ROBO2: variants seen among roughly 807,000 people sequenced by gnomAD.
The protein encoded by ROBO2 is roundabout homolog 2.
A neutral mutation model predicts 160.8 loss-of-function variants in ROBO2; 53 were observed. The observed-to-expected ratio is 0.33, with a 90% CI of 0.26 to 0.41. The LOEUF (loss-of-function observed/expected upper bound fraction) is 0.41. Ranked by LOEUF, ROBO2 falls within the 10% of genes least tolerant of loss-of-function variation. The pLI is 1.00. For synonymous variants in ROBO2, 664 were observed against 611.7 expected, an observed-to-expected ratio of 1.09 and a Z score of -1.26; for missense variants, 1,577 against 1,722.4, an observed-to-expected ratio of 0.92 and a Z score of 1.49.
chr3:76,008,107 A>T (rs1052631589), intron 2 of ROBO2, among the ~76,000 whole-genome samples: 1 of 151,616 alleles, frequency 6.6e-6, no homozygotes. Flanking sequence ...GGTAGTGGAT[A>T]CCTTTAGTCA....
At chr3:77,215,316 T>C (rs749512146) in intron 2 of ROBO2, among the ~76,000 whole-genome samples, 3 of 152,198 alleles carry the variant, frequency 2.0e-5, no homozygotes, top group Non-Finnish European at 4.4e-5. Context: ...TCTTCTTGCT[T>C]CATTTCATTC....
chr3:76,431,228 A>T (rs2109016991), intron 2 of ROBO2, among the ~76,000 whole-genome samples: 1 of 151,424 alleles, frequency 6.6e-6, no homozygotes, highest in East Asian at 1.9e-4. Flanking sequence ...ATGGCCTTTT[A>T]TTTGTCAGCA....
intron 2 of ROBO2, among the ~76,000 whole-genome samples, chr3:76,708,874 C>G (rs1395118271): frequency 2.0e-5 from 3 of 152,034 alleles, no homozygotes; most frequent in Non-Finnish European, 2.9e-5. Flanking sequence ...GGCAAGCACC[C>G]AAGAGATATT....
chr3:76,040,375 A>C (rs2067242500), intron 2 of ROBO2, among the ~76,000 whole-genome samples: 1 of 152,000 alleles, frequency 6.6e-6, no homozygotes, highest in South Asian at 2.1e-4. Context: ...GTTCCAAAAT[A>C]ATATATAAAT....
intron 2 of ROBO2, among the ~76,000 whole-genome samples, chr3:76,745,259 C>T (rs186727322): frequency 1.2e-3 from 182 of 152,178 alleles, no homozygotes; most frequent in African/African-American, 4.1e-3. Context: ...AAAATAGTTA[C>T]TGAAAACTCG....
At chr3:76,043,683 A>C (rs192546062) in intron 2 of ROBO2, among the ~76,000 whole-genome samples, 1 of 151,792 alleles carries the variant, frequency 6.6e-6, no homozygotes, top group Non-Finnish European at 1.5e-5. Context: ...AACCAAAACA[A>C]AAAAACACTG....
At position 76,302,305 on chromosome 3, in the gene ROBO2, A is replaced by G. The variant is rs187030755; in HGVS notation, c.109+364703A>G. Among the ~76,000 whole-genome samples the G allele has an allele frequency of 5.3e-5, 8 of 152,226 alleles. No homozygotes were observed. In the East Asian group the frequency reaches 5.8e-4, roughly 11 times the overall value. On this transcript the variant is annotated intron_variant, in intron 2 of 26. Transcript: ENST00000487694. Reference sequence around the variant, plus strand: ...ATTTACACTATTTTCCAGCTTATCAATGATCTGAGAACTCTTATTTCTTTG... The same window carrying G: ...ATTTACACTATTTTCCAGCTTATCAGTGATCTGAGAACTCTTATTTCTTTG...
intron 2 of ROBO2, among the ~76,000 whole-genome samples, chr3:76,384,410 A>G (rs1186126856): frequency 4.6e-5 from 7 of 152,198 alleles, no homozygotes; most frequent in Non-Finnish European, 8.8e-5. Context: ...TGGTCATGAG[A>G]ATATTTCAAA....
intron 1 of ROBO2, among the ~76,000 whole-genome samples, chr3:77,084,214 C>T (rs367843203): frequency 4.5e-4 from 68 of 151,964 alleles, no homozygotes; most frequent in African/African-American, 1.5e-3. Flanking sequence ...GTGAGCGCAT[C>T]ACTAAAACAC....
intron 2 of ROBO2, among the ~76,000 whole-genome samples, chr3:77,371,427 G>A (rs1352165872): frequency 6.6e-6 from 1 of 151,926 alleles, no homozygotes; most frequent in Non-Finnish European, 1.5e-5. Context: ...TCTACACTAG[G>A]TGTGAAACAC....
chr3:77,636,186 G>A (rs2095260652), intron 24 of ROBO2, among the ~76,000 whole-genome samples: 1 of 152,112 alleles, frequency 6.6e-6, no homozygotes, highest in Admixed American at 6.5e-5. Context: ...CTAGAAAAGG[G>A]TCAGCAAACT....
chr3:77,355,754 G>A (rs564163465), intron 2 of ROBO2, among the ~76,000 whole-genome samples: 30 of 152,120 alleles, frequency 2.0e-4, no homozygotes, highest in Non-Finnish European at 3.7e-4. Context: ...ATAACAAAAC[G>A]TGGAGAAAAA....
At chr3:77,602,132 A>G (rs1213755289) in intron 19 of ROBO2, 78 bp from the exon 21 acceptor site, 4 of 1,439,130 alleles carry the variant, frequency 2.8e-6, no homozygotes, top group Admixed American at 1.7e-5. Context: ...TGACACACTT[A>G]TTTTTCATCT....
At chr3:76,855,763 T>A (rs2069992340) in intron 2 of ROBO2, among the ~76,000 whole-genome samples, 1 of 152,224 alleles carries the variant, frequency 6.6e-6, no homozygotes, top group Non-Finnish European at 1.5e-5. Context: ...GTTTCTTAAT[T>A]CATAATGCAT....
At chr3:76,270,303 A>G (rs752150242) in intron 2 of ROBO2, among the ~76,000 whole-genome samples, 1 of 151,960 alleles carries the variant, frequency 6.6e-6, no homozygotes. Flanking sequence ...GGTTCTCTTC[A>G]TTTCTTTTTT....
intron 24 of ROBO2, 31 bp downstream of exon 25, chr3:77,635,074 C>G: frequency 6.2e-7 from 1 of 1,608,676 alleles, no homozygotes; most frequent in South Asian, 1.1e-5. Context: ...CTTGTTTCCT[C>G]GCTGAAGAGA....
intron 2 of ROBO2, among the ~76,000 whole-genome samples, chr3:76,789,014 G>T (rs1357799951): frequency 6.6e-6 from 1 of 151,460 alleles, no homozygotes; most frequent in Admixed American, 6.6e-5. Context: ...GAACACCTGG[G>T]TGTTAAACAT....
chr3:76,464,825 C>T (rs923084394), intron 2 of ROBO2, among the ~76,000 whole-genome samples: 6 of 152,046 alleles, frequency 3.9e-5, no homozygotes, highest in African/African-American at 1.4e-4. Flanking sequence ...TTCATCAAAT[C>T]CTTTAGGCCT....
chr3:77,196,891 G>A (rs933948278), intron 2 of ROBO2, among the ~76,000 whole-genome samples: 1 of 151,142 alleles, frequency 6.6e-6, no homozygotes, highest in Non-Finnish European at 1.5e-5. Context: ...TATATATTGA[G>A]CCTAATATAT....
Sources: allele counts gnomAD v4.1 joint callset (sites outside exome capture counted in the v4.1 genomes callset), GRCh38; gene constraint gnomAD v4.1.1; transcripts MANE v1.5; gene names NCBI Gene and HGNC (gene_info 2026-07-23, HGNC 2026-07-21).